PICALM: variants seen among roughly 807,000 people sequenced by gnomAD.
PICALM encodes the protein phosphatidylinositol-binding clathrin assembly protein.
A neutral mutation model predicts 80.5 loss-of-function variants in PICALM; 40 were observed. The observed-to-expected ratio is 0.50, with a 90% confidence interval of 0.39 to 0.65. The LOEUF (loss-of-function observed/expected upper bound fraction) is 0.65. PICALM is among the 30% of genes least tolerant of loss of function. The probability of loss-of-function intolerance (pLI) is 0.00; values close to 1 mark genes in which losing one functional copy is unlikely to be tolerated. For synonymous variants in PICALM, 288 were observed against 260.3 expected (o/e 1.11, Z -1.02); for missense variants, 676 against 778.9 (o/e 0.87, Z 1.57).
In PICALM at chr11:86,067,837, C is replaced by G. The variant is rs1459768560; in HGVS notation, c.130+814G>C. On this transcript the variant is annotated intron_variant, in intron 1 of 19. Transcript: ENST00000393346. ...CCATGTGAAAAGCTGGGGGGCAGAG[C>G]TGACAGTCACAAACTCACCCCAGTC... Among the ~76,000 whole-genome samples, 8 of 152,158 alleles carry G rather than the reference C, an allele frequency of 5.3e-5. No homozygotes were observed. The East Asian group carries it at 1.5e-3, about 29-fold the overall frequency.
intron 1 of PICALM, among the ~76,000 whole-genome samples, chr11:86,066,806 G>C (rs1467943756): frequency 6.6e-6 from 1 of 151,062 alleles, no homozygotes; most frequent in Non-Finnish European, 1.5e-5. Context: ...ACAGTGTCAG[G>C]ACAAACTGTA....
intron 1 of PICALM, among the ~76,000 whole-genome samples, chr11:86,032,056 A>C (rs1414456125): frequency 6.6e-6 from 1 of 152,198 alleles, no homozygotes; most frequent in Non-Finnish European, 1.5e-5. Context: ...CAAAATGAAG[A>C]TCAAACTATC....
upstream of PICALM, chr11:86,069,578 C>G (rs1460906921): frequency 6.6e-6 from 1 of 152,312 alleles, no homozygotes; most frequent in Admixed American, 6.5e-5. Flanking sequence ...GCTTTCCCAG[C>G]AGAGTCAAGA....
chr11:85,965,264 G>C (rs2093837785), intron 19 of PICALM, among the ~76,000 whole-genome samples: 1 of 152,144 alleles, frequency 6.6e-6, no homozygotes, highest in South Asian at 2.1e-4. Flanking sequence ...CCAGTACGCT[G>C]ATACTAGACT....
intron 19 of PICALM, among the ~76,000 whole-genome samples, 192 bp from the exon 20 acceptor site, chr11:85,959,252 G>A (rs867132783): frequency 1.3e-5 from 2 of 152,100 alleles, no homozygotes; most frequent in Non-Finnish European, 1.5e-5. Flanking sequence ...GACACATATA[G>A]GGACTTCCAA....
chr11:85,999,266 G>A (rs976027939), intron 11 of PICALM, among the ~76,000 whole-genome samples: 1 of 152,122 alleles, frequency 6.6e-6, no homozygotes, highest in African/African-American at 2.4e-5. Flanking sequence ...AGATATAAAC[G>A]CATTTAGTGC....
intron 11 of PICALM, among the ~76,000 whole-genome samples, 169 bp from the exon 12 acceptor site, chr11:85,997,098 G>A (rs573552998): frequency 2.0e-5 from 3 of 152,140 alleles, no homozygotes; most frequent in Non-Finnish European, 2.9e-5. Context: ...ATATTTCTAA[G>A]GAGGCTTGGA....
rs536003604 is a variant in PICALM at position 85,979,625 on chromosome 11, C to T, written c.1779+1504G>A. Among the ~76,000 whole-genome samples, 20 of 152,270 alleles carry T rather than the reference C, an allele frequency of 1.3e-4. 1 individual carries two copies. The South Asian group carries it at 3.9e-3, about 30-fold the overall frequency. On this transcript the variant is annotated intron_variant, in intron 17 of 19. Coordinates refer to ENST00000393346, the MANE Select transcript of PICALM (RefSeq NM_007166.4). ...CAATATTACTTTCCATTTATGAAGT[C>T]TTAAGCTATATAATAAAATGCACAA... is the stretch of plus-strand genomic sequence containing the variant.
chr11:86,023,917 A>C (rs2095606749), intron 3 of PICALM, among the ~76,000 whole-genome samples: 1 of 152,096 alleles, frequency 6.6e-6, no homozygotes, highest in Non-Finnish European at 1.5e-5. Context: ...TTAGACCAAG[A>C]GTTCAAGACC....
chr11:85,991,958 T>C (rs1421212115), intron 12 of PICALM, among the ~76,000 whole-genome samples: 3 of 152,080 alleles, frequency 2.0e-5, no homozygotes, highest in Admixed American at 6.5e-5. Context: ...TGGGCTCAAG[T>C]GATGCTCCCA....
intron 4 of PICALM, among the ~76,000 whole-genome samples, chr11:86,015,176 T>C (rs1277458554): frequency 6.6e-6 from 1 of 152,068 alleles, no homozygotes; most frequent in Non-Finnish European, 1.5e-5. Context: ...AGGTACTCAT[T>C]TAGAACTAAA....
intron 7 of PICALM, among the ~76,000 whole-genome samples, chr11:86,008,945 A>C (rs1467515912): frequency 7.0e-6 from 1 of 142,946 alleles, no homozygotes; most frequent in African/African-American, 2.6e-5. Flanking sequence ...AGGAAAAAAA[A>C]AAAAGCCAAA....
rs187624819 is a variant in PICALM at position 86,049,464 on chromosome 11, C to G, written c.131-17853G>C. ...AAATCTTCACACTGATCTTATATCT[C>G]AAAACCAGACAAATTCCCCCATGAC... On this transcript the variant is annotated intron_variant, in intron 1 of 19. Transcript: ENST00000393346. Among the ~76,000 whole-genome samples, 579 of 152,280 alleles carry G rather than the reference C, an allele frequency of 3.8e-3. 4 individuals are homozygous for G. The highest frequency in any genetic ancestry group is 0.013 in the African/African-American group (550 of 41,568).
chr11:86,050,036 C>G (rs941561877), intron 1 of PICALM, among the ~76,000 whole-genome samples: 1 of 151,346 alleles, frequency 6.6e-6, no homozygotes, highest in Admixed American at 6.6e-5. Context: ...CCCATCTCTA[C>G]TAAAAATAAA....
chr11:86,022,359 TAA>T lies in PICALM; in HGVS notation c.452+6_452+7del. On this transcript the variant is annotated splice_donor_region_variant and intron_variant, in intron 4 of 19. Transcript: ENST00000393346. ...AATCAATTAGATGTCAAAAAAAGCT[TAA>T]CTCACCCTCTCTTCACTTTTGTGAA... The T allele has an allele frequency of 6.8e-7, 1 of 1,475,836 alleles. No individual in the cohort carries two copies. Among genetic ancestry groups the T allele is most frequent in the Non-Finnish European group, 9.3e-7 (1 of 1,076,312 alleles). 91.4% of individuals were successfully genotyped at this position (1,475,836 alleles called of 1,614,324 possible). A position where few individuals can be genotyped will look rare whatever the true frequency, so the allele number is the denominator to read the frequency against.
chr11:86,049,331 AC>A (rs1251211627), intron 1 of PICALM, among the ~76,000 whole-genome samples: 1 of 152,216 alleles, frequency 6.6e-6, no homozygotes, highest in African/African-American at 2.4e-5. Context: ...CCGGTTCCAT[AC>A]CAAAAGATCA....
intron 13 of PICALM, among the ~76,000 whole-genome samples, chr11:85,989,627 G>A (rs112768916): frequency 3.3e-5 from 5 of 151,958 alleles, no homozygotes; most frequent in African/African-American, 7.3e-5. Flanking sequence ...GTGAAATTCT[G>A]CCTTTTTATA....
intron 2 of PICALM, among the ~76,000 whole-genome samples, chr11:86,029,710 CAAAT>C (rs1156597751): frequency 4.6e-5 from 7 of 152,100 alleles, no homozygotes; most frequent in East Asian, 1.9e-4. Flanking sequence ...TAAACTACAT[CAAAT>C]AAATAAAGAA....
intron 8 of PICALM, among the ~76,000 whole-genome samples, chr11:86,006,858 A>G (rs1330490524): frequency 1.3e-5 from 2 of 152,214 alleles, no homozygotes; most frequent in African/African-American, 4.8e-5. Flanking sequence ...GATGATGATG[A>G]TAAAGACAAT....
Sources: allele counts gnomAD v4.1 joint callset (sites outside exome capture counted in the v4.1 genomes callset), GRCh38; gene constraint gnomAD v4.1.1; transcripts MANE v1.5; gene names NCBI Gene and HGNC (gene_info 2026-07-23, HGNC 2026-07-21).